PPP3CA: variants seen among roughly 807,000 people sequenced by gnomAD.
PPP3CA encodes the protein CAM-PRP catalytic subunit.
Under a neutral mutation model 66.5 loss-of-function variants are expected in PPP3CA, and 14 were observed. The ratio of observed to expected loss-of-function variants is 0.21; its 90% CI spans 0.14 to 0.33. PPP3CA has a LOEUF of 0.33. Ranked by LOEUF, PPP3CA falls within the 10% of genes least tolerant of loss-of-function variation. The probability of loss-of-function intolerance (pLI) is 1.00; values close to 1 mark genes in which losing one functional copy is unlikely to be tolerated. For synonymous variants in PPP3CA, 232 were observed against 226.2 expected (o/e 1.03, Z -0.23); for missense variants, 317 against 639.5 (o/e 0.50, Z 5.44).
chr4:101,065,067 G>A (rs771410198), intron 8 of PPP3CA, among the ~76,000 whole-genome samples: 1 of 151,924 alleles, frequency 6.6e-6, no homozygotes, highest in African/African-American at 2.4e-5. Context: ...TCTTCTTCCT[G>A]TGGAATACTA....
At chr4:101,141,373 AAAAC>A in intron 2 of PPP3CA, among the ~76,000 whole-genome samples, 1 of 152,260 alleles carries the variant, frequency 6.6e-6, no homozygotes, top group East Asian at 1.9e-4. Flanking sequence ...CTATCTCAAA[AAAAC>A]AAACAAAAAA....
chr4:101,099,531 T>C, intron 4 of PPP3CA, 80 bp downstream of exon 4: 2 of 706,386 alleles, frequency 2.8e-6, no homozygotes, highest in Non-Finnish European at 4.5e-6. Context: ...CAATAGATCA[T>C]ATTGTATGTA....
chr4:101,032,719 C>A (rs1013456596), intron 11 of PPP3CA, among the ~76,000 whole-genome samples: 1 of 151,904 alleles, frequency 6.6e-6, no homozygotes, highest in African/African-American at 2.4e-5. Flanking sequence ...ATAGAGAATG[C>A]TGATGTTAAG....
At chr4:101,086,869 T>C (rs1729695762) in intron 6 of PPP3CA, among the ~76,000 whole-genome samples, 1 of 152,240 alleles carries the variant, frequency 6.6e-6, no homozygotes, top group Non-Finnish European at 1.5e-5. Context: ...GTCAGCTTAT[T>C]GGGGCTTATG....
intron 1 of PPP3CA, among the ~76,000 whole-genome samples, chr4:101,218,573 G>A (rs1725524679): frequency 6.6e-6 from 1 of 151,910 alleles, no homozygotes; most frequent in South Asian, 2.1e-4. Flanking sequence ...CACTAGGAAA[G>A]CTGAATAATA....
intron 2 of PPP3CA, among the ~76,000 whole-genome samples, chr4:101,162,359 C>G (rs1278985145): frequency 6.6e-6 from 1 of 151,858 alleles, no homozygotes; most frequent in African/African-American, 2.4e-5. Context: ...GGTGAAACCC[C>G]ATCTCTACTA....
At chr4:101,253,530 A>T (rs189854921) in intron 1 of PPP3CA, among the ~76,000 whole-genome samples, 1 of 152,266 alleles carries the variant, frequency 6.6e-6, no homozygotes, top group East Asian at 1.9e-4. Flanking sequence ...TCATCGTATT[A>T]AATAAAAGCT....
chr4:101,263,377 T>C (rs970590410), intron 1 of PPP3CA, among the ~76,000 whole-genome samples: 2 of 152,182 alleles, frequency 1.3e-5, no homozygotes, highest in African/African-American at 4.8e-5. Context: ...TAGGCATCAG[T>C]GCCATTCTTG....
chr4:101,214,506 A>G (rs1725399512), intron 1 of PPP3CA, among the ~76,000 whole-genome samples: 1 of 152,092 alleles, frequency 6.6e-6, no homozygotes, highest in South Asian at 2.1e-4. Context: ...ATCAAGACTA[A>G]TGATAGGCCA....
rs539874425 is a variant in PPP3CA at position 101,258,533 on chromosome 4, G to T, written c.59-62417C>A. On this transcript the variant is annotated intron_variant, in intron 1 of 13. Coordinates refer to ENST00000394854, the MANE Select transcript of PPP3CA (RefSeq NM_000944.5). ...TCTAAATTAGAGTTAGCTAATCAAT[G>T]ATCTCTGCTTTGATAAGAAATGTGT... Among the ~76,000 whole-genome samples the T allele has an allele frequency of 5.7e-4, 87 of 152,204 alleles. 1 individual carries two copies. The highest frequency in any genetic ancestry group is 9.4e-4 in the Non-Finnish European group (64 of 67,992).
intron 1 of PPP3CA, among the ~76,000 whole-genome samples, chr4:101,200,997 G>GT (rs990161864): frequency 2.0e-5 from 3 of 152,076 alleles, no homozygotes; most frequent in Admixed American, 1.3e-4. Flanking sequence ...CAAATCCACA[G>GT]TTAGCACTGT....
chr4:101,036,473 G>A (rs919742786), intron 11 of PPP3CA, among the ~76,000 whole-genome samples: 17 of 151,472 alleles, frequency 1.1e-4, no homozygotes, highest in African/African-American at 1.7e-4. Flanking sequence ...GTGCAGTGGC[G>A]CAATCTCGGC....
At chr4:101,037,367 T>C (rs1040779412) in intron 11 of PPP3CA, among the ~76,000 whole-genome samples, 5 of 152,246 alleles carry the variant, frequency 3.3e-5, no homozygotes, top group East Asian at 3.8e-4. Flanking sequence ...CAAGGACTGC[T>C]GAAAGACAGT....
At chr4:101,031,080 CAA>C (rs1227475978) in intron 12 of PPP3CA, among the ~76,000 whole-genome samples, 6 of 64,068 alleles carry the variant, frequency 9.4e-5, no homozygotes, top group Non-Finnish European at 2.6e-4. Flanking sequence ...TGTAAAAACT[CAA>C]AAGACACTGA....
intron 1 of PPP3CA, among the ~76,000 whole-genome samples, chr4:101,290,980 T>A (rs1454589595): frequency 6.6e-6 from 1 of 152,194 alleles, no homozygotes; most frequent in Non-Finnish European, 1.5e-5. Flanking sequence ...GGCTTGGAGC[T>A]ACTATAACCA....
At chr4:101,208,091 A>G (rs558657845) in intron 1 of PPP3CA, among the ~76,000 whole-genome samples, 5 of 152,348 alleles carry the variant, frequency 3.3e-5, no homozygotes, top group African/African-American at 1.2e-4. Context: ...CAGACTAGAA[A>G]TACACTATAT....
chr4:101,263,992 C>G (rs541096566), intron 1 of PPP3CA, among the ~76,000 whole-genome samples: 3 of 152,286 alleles, frequency 2.0e-5, no homozygotes, highest in African/African-American at 7.2e-5. Flanking sequence ...GTAATAATTA[C>G]TGGGAAGAGT....
Position 101,043,842 on chromosome 4 carries a change from TC to T in PPP3CA, c.1157-3277del, listed in dbSNP as rs1275630790. 5.9e-5 allele frequency among the ~76,000 whole-genome samples: 9 copies of T among 152,042 alleles called. 1 individual carries two copies. Among genetic ancestry groups the T allele is most frequent in the African/African-American group, 2.2e-4 (9 of 41,382 alleles). On this transcript the variant is annotated intron_variant, in intron 10 of 13. Coordinates refer to ENST00000394854, the MANE Select transcript of PPP3CA (RefSeq NM_000944.5). ...GTGAGCCGAGATTGTGCCATTGCAC[TC>T]CAGCCTGGGCAACAAGAGTGAAACT...
intron 3 of PPP3CA, among the ~76,000 whole-genome samples, chr4:101,100,956 T>C (rs1351832419): frequency 1.3e-5 from 2 of 152,154 alleles, no homozygotes; most frequent in African/African-American, 4.8e-5. Flanking sequence ...GAGAACTAAT[T>C]ATGTTTGACT....
Sources: allele counts gnomAD v4.1 joint callset (sites outside exome capture counted in the v4.1 genomes callset), GRCh38; gene constraint gnomAD v4.1.1; transcripts MANE v1.5; gene names NCBI Gene and HGNC (gene_info 2026-07-23, HGNC 2026-07-21).